The following MTUS2 variants were observed in gnomAD, a reference collection of about 807,000 sequenced individuals.
MTUS2 encodes microtubule associated scaffold protein 2.
Under a neutral mutation model 114.1 loss-of-function variants are expected in MTUS2, and 40 were observed. The ratio of observed to expected loss-of-function variants is 0.35; its 90% CI spans 0.27 to 0.46. The LOEUF (loss-of-function observed/expected upper bound fraction) is 0.46, where lower values mean the gene tolerates loss of function less well. MTUS2 is among the 20% of genes least tolerant of loss of function. The probability of loss-of-function intolerance (pLI) is 1.00; values close to 1 mark genes in which losing one functional copy is unlikely to be tolerated. For missense variants in MTUS2, 1,679 were observed against 1,705.4 expected, an observed-to-expected ratio of 0.98 and a Z score of 0.27; for synonymous variants, 688 against 672.0, an observed-to-expected ratio of 1.02 and a Z score of -0.37.
chr13:28,822,990 CAT>C (rs1485297459), intron 1 of MTUS2, among the ~76,000 whole-genome samples: 7 of 152,174 alleles, frequency 4.6e-5, no homozygotes, highest in Non-Finnish European at 7.3e-5. Flanking sequence ...ATCGCACACA[CAT>C]GGGATTGTTT....
intron 5 of MTUS2, among the ~76,000 whole-genome samples, chr13:29,226,805 G>A (rs897999133): frequency 4.6e-5 from 7 of 152,128 alleles, no homozygotes; most frequent in African/African-American, 1.7e-4. Flanking sequence ...ATACATGTAA[G>A]CTTTGTTACT....
intron 2 of MTUS2, among the ~76,000 whole-genome samples, chr13:28,865,716 T>A: frequency 6.6e-6 from 1 of 152,192 alleles, no homozygotes; most frequent in Non-Finnish European, 1.5e-5. Flanking sequence ...GTATTTCTCT[T>A]GAAATTAGCC....
At chr13:29,126,132 A>G (rs1289751938) in intron 5 of MTUS2, among the ~76,000 whole-genome samples, 2 of 152,096 alleles carry the variant, frequency 1.3e-5, no homozygotes, top group African/African-American at 2.4e-5. Context: ...CCATATACCA[A>G]AAATGAGGTT....
intron 5 of MTUS2, among the ~76,000 whole-genome samples, chr13:29,118,004 A>G (rs749796059): frequency 1.3e-5 from 2 of 152,314 alleles, no homozygotes; most frequent in Admixed American, 6.5e-5. Context: ...AGCAGGTGCT[A>G]TTAGTTTTGT....
At chr13:29,230,241 G>A (rs1211498171) in intron 5 of MTUS2, among the ~76,000 whole-genome samples, 3 of 152,054 alleles carry the variant, frequency 2.0e-5, no homozygotes, top group African/African-American at 4.8e-5. Context: ...GCAAGACTCC[G>A]TCTCAAAAAA....
At chr13:28,820,227 C>T (rs1053818398), upstream of MTUS2, 2 of 146,528 alleles carry the variant, frequency 1.4e-5, no homozygotes, top group Non-Finnish European at 3.0e-5. Context: ...CGGCTCCGGT[C>T]CCCGGCTGCG....
In MTUS2 at chr13:29,375,618, T is replaced by TAAAAA. The variant is rs1388703608; in HGVS notation, c.3117+16146_3117+16147insAAAAA. ...ATATATATATATATACGTATATATA[T>TAAAAA]ATATATATATATATATATATACACA... On this transcript the variant is annotated intron_variant, in intron 8 of 15. Transcript: ENST00000612955. 1.3e-3 allele frequency among the ~76,000 whole-genome samples: 14 copies of TAAAAA among 10,806 alleles called. 1 individual carries two copies. The highest frequency in any genetic ancestry group is 3.4e-3 in the African/African-American group (14 of 4,142). The allele number at this position is 10,806 out of a possible 152,430, so 7.1% of individuals were successfully genotyped here. A position where few individuals can be genotyped will look rare whatever the true frequency, so the allele number is the denominator to read the frequency against.
Position 29,487,786 on chromosome 13 carries a change from A to G in MTUS2, c.3400-114A>G, listed in dbSNP as rs899212995. The G allele has an allele frequency of 8.4e-6, 7 of 828,502 alleles. No homozygotes were observed. The East Asian group carries it at 9.8e-5, about 12-fold the overall frequency. 51.3% of individuals were successfully genotyped at this position (828,502 alleles called of 1,614,324 possible). On this transcript the variant is annotated intron_variant, in intron 10 of 15. Coordinates refer to ENST00000612955, the MANE Select transcript of MTUS2 (RefSeq NM_001033602.4). ...AAGTCCAGCTCTCCTGCTTCGGCAC[A>G]AGGCTGTGACTTGTCATTGATGTTT...
chr13:28,871,517 G>A (rs1480843320), intron 2 of MTUS2, among the ~76,000 whole-genome samples: 10 of 152,180 alleles, frequency 6.6e-5, no homozygotes, highest in Non-Finnish European at 1.3e-4. Flanking sequence ...CTGTTTCAAT[G>A]AGATTACATT....
At chr13:29,474,782 A>G (rs903689189) in intron 9 of MTUS2, among the ~76,000 whole-genome samples, 5 of 152,148 alleles carry the variant, frequency 3.3e-5, no homozygotes, top group Non-Finnish European at 7.3e-5. Flanking sequence ...TCCTTGACTC[A>G]GATTTTTGTG....
At chr13:29,332,906 ATTACAGGCG>A (rs1900863839) in intron 7 of MTUS2, among the ~76,000 whole-genome samples, 1 of 152,012 alleles carries the variant, frequency 6.6e-6, no homozygotes, top group African/African-American at 2.4e-5. Context: ...AAGTGCTGGG[ATTACAGGCG>A]TGAGCCACCG....
chr13:29,214,001 G>C (rs1394054675), intron 5 of MTUS2, among the ~76,000 whole-genome samples: 3 of 151,056 alleles, frequency 2.0e-5, no homozygotes, highest in African/African-American at 7.3e-5. Context: ...GGTTGTTTTA[G>C]GGTTCATAAT....
At chr13:29,193,951 A>C (rs966003745) in intron 5 of MTUS2, among the ~76,000 whole-genome samples, 202 of 152,120 alleles carry the variant, frequency 1.3e-3, no homozygotes, top group African/African-American at 4.3e-3. Flanking sequence ...ATATCTACAA[A>C]TATCTGATCT....
At chr13:28,959,551 C>T (rs1575304) in intron 2 of MTUS2, among the ~76,000 whole-genome samples, 83,838 of 151,802 alleles carry the variant, frequency 0.55, 23,908 homozygotes, top group East Asian at 0.77. Flanking sequence ...TTAGTGTCAG[C>T]ATCTGCTTTT....
At chr13:29,310,768 C>T (rs1427217988) in intron 6 of MTUS2, among the ~76,000 whole-genome samples, 1 of 152,148 alleles carries the variant, frequency 6.6e-6, no homozygotes, top group African/African-American at 2.4e-5. Flanking sequence ...ATGGGGAACT[C>T]TCATACAGTG....
chr13:29,114,519 G>A lies in MTUS2; in HGVS notation c.2644+13549G>A, dbSNP rs185689280. On this transcript the variant is annotated intron_variant, in intron 5 of 15. Transcript: ENST00000612955. ...AATATAATAGTTTCACTCTATGTAG[G>A]TAAAGGTGGACAGTATCAAAACTAG... Among the ~76,000 whole-genome samples, 6 of 152,272 alleles carry A rather than the reference G, an allele frequency of 3.9e-5. No homozygotes were observed. In the South Asian group the frequency reaches 6.2e-4, roughly 16 times the overall value.
At chr13:29,326,572 G>A (rs28493465) in intron 7 of MTUS2, among the ~76,000 whole-genome samples, 1 of 151,888 alleles carries the variant, frequency 6.6e-6, no homozygotes, top group South Asian at 2.1e-4. Flanking sequence ...AAGGAAAGAA[G>A]GAAGGCCAGG....
At chr13:28,993,328 A>G (rs1402137968) in intron 2 of MTUS2, among the ~76,000 whole-genome samples, 3 of 152,196 alleles carry the variant, frequency 2.0e-5, no homozygotes, top group Non-Finnish European at 4.4e-5. Context: ...TGTTTTCTCT[A>G]GCAGCTGTAC....
rs116291521 is a variant in MTUS2 at position 29,111,769 on chromosome 13, A to T, written c.2644+10799A>T. Among the ~76,000 whole-genome samples, 513 of 148,128 alleles carry T rather than the reference A, an allele frequency of 3.5e-3. 2 individuals carry two copies. Among genetic ancestry groups the T allele is most frequent in the African/African-American group, 0.012 (483 of 40,548 alleles). On this transcript the variant is annotated intron_variant, in intron 5 of 15. Transcript: ENST00000612955. ...GTAGACAGAGCGAAGAGATTGATATATTTTTTTTTTTGCAAGGAGAAATAA... is the reference window on the plus strand; with the variant it reads ...GTAGACAGAGCGAAGAGATTGATATTTTTTTTTTTTTGCAAGGAGAAATAA...
Sources: allele counts gnomAD v4.1 joint callset (sites outside exome capture counted in the v4.1 genomes callset), GRCh38; gene constraint gnomAD v4.1.1; transcripts MANE v1.5; gene names NCBI Gene and HGNC (gene_info 2026-07-23, HGNC 2026-07-21).